CTNNA2: variants seen among roughly 807,000 people sequenced by gnomAD.
The protein encoded by CTNNA2 is catenin alpha 2.
Under a neutral mutation model 101.0 loss-of-function variants are expected in CTNNA2, and 42 were observed. That is an observed-to-expected ratio of 0.42 (90% CI 0.32 to 0.54). CTNNA2 has a LOEUF of 0.54. Ranked by LOEUF, CTNNA2 falls within the 20% of genes least tolerant of loss-of-function variation. The pLI is 0.14. For missense variants in CTNNA2, 871 were observed against 1,223.1 expected (o/e 0.71, Z 4.29); for synonymous variants, 450 against 456.4 (o/e 0.99, Z 0.18).
At position 79,536,574 on chromosome 2, in the gene CTNNA2, A is replaced by AGTGTGTGTGT. The variant is rs61029469; in HGVS notation, c.-6+23386_-6+23395dup. ...ATATACACCTAAATATCTCTAAAGA[A>AGTGTGTGTGT]GTGTGTGTGTGTGTGTGTGTGTGTG... On this transcript the variant is annotated intron_variant, in intron 1 of 18. Transcript: ENST00000402739. Among the ~76,000 whole-genome samples the AGTGTGTGTGT allele has an allele frequency of 2.4e-4, 35 of 146,810 alleles. 1 individual carries two copies. In the East Asian group the frequency reaches 5.3e-3, roughly 22 times the overall value.
intron 9 of CTNNA2, among the ~76,000 whole-genome samples, chr2:80,541,395 C>A: frequency 6.6e-6 from 1 of 152,190 alleles, no homozygotes; most frequent in East Asian, 1.9e-4. Context: ...GGAGGACTAT[C>A]AAGAGGTGCC....
At chr2:79,766,269 T>G (rs1673149567) in intron 3 of CTNNA2, among the ~76,000 whole-genome samples, 1 of 152,170 alleles carries the variant, frequency 6.6e-6, no homozygotes, top group African/African-American at 2.4e-5. Flanking sequence ...TATTTCTCCT[T>G]TGTGCTTGAA....
chr2:79,843,703 G>A (rs1009890864), intron 3 of CTNNA2, among the ~76,000 whole-genome samples: 2 of 152,124 alleles, frequency 1.3e-5, no homozygotes, highest in Admixed American at 6.5e-5. Context: ...GGTGAATAAA[G>A]CCACTTGCTG....
At chr2:80,490,288 C>A (rs544654058) in intron 9 of CTNNA2, among the ~76,000 whole-genome samples, 6 of 97,910 alleles carry the variant, frequency 6.1e-5, no homozygotes, top group South Asian at 4.4e-4. Context: ...CCACCCCCCC[C>A]CCGGTAAAGC....
At chr2:79,659,215 CTTTTT>C (rs5832398) in intron 2 of CTNNA2, among the ~76,000 whole-genome samples, 1 of 135,818 alleles carries the variant, frequency 7.4e-6, no homozygotes, top group Non-Finnish European at 1.6e-5. Flanking sequence ...TCCAGTGCCT[CTTTTT>C]TTTTTTTTTT....
intron 2 of CTNNA2, among the ~76,000 whole-genome samples, chr2:79,297,438 G>C (rs1453591586): frequency 6.6e-6 from 1 of 152,098 alleles, no homozygotes; most frequent in Non-Finnish European, 1.5e-5. Context: ...ACAAATTCTG[G>C]AAAGACCAAT....
At chr2:80,296,051 T>C (rs752122823) in intron 7 of CTNNA2, among the ~76,000 whole-genome samples, 1 of 152,154 alleles carries the variant, frequency 6.6e-6, no homozygotes, top group Non-Finnish European at 1.5e-5. Flanking sequence ...AGCTTATTTT[T>C]TTTTAGTTTT....
At chr2:79,306,110 A>G (rs1014588084) in intron 2 of CTNNA2, among the ~76,000 whole-genome samples, 1 of 151,916 alleles carries the variant, frequency 6.6e-6, no homozygotes. Flanking sequence ...ATAGGACACT[A>G]TGTTAAGTCA....
intron 3 of CTNNA2, among the ~76,000 whole-genome samples, chr2:79,362,164 C>G (rs1288453467): frequency 1.3e-5 from 2 of 152,192 alleles, no homozygotes; most frequent in South Asian, 2.1e-4. Context: ...CAACCAGGAA[C>G]AGCACTGTCT....
chr2:79,264,717 T>A (rs1390229494), intron 2 of CTNNA2, among the ~76,000 whole-genome samples: 1 of 140,478 alleles, frequency 7.1e-6, no homozygotes, highest in Non-Finnish European at 1.5e-5. Flanking sequence ...TCATACTTTT[T>A]ATCTTGCTGC....
At position 79,406,338 on chromosome 2, in the gene CTNNA2, C is replaced by A. The variant is rs577454991; in HGVS notation, c.-135+32325C>A. Among the ~76,000 whole-genome samples, 155 of 152,054 alleles carry A rather than the reference C, an allele frequency of 1.0e-3. 1 individual carries two copies. The highest frequency in any genetic ancestry group is 3.7e-3 in the African/African-American group (155 of 41,498). On this transcript the variant is annotated intron_variant, in intron 4 of 21. Transcript: ENST00000466387. ...TTCAGAAAGGATACATGTAGGAGGACCACAACTCAACATGCAGGGCAACTT... is the reference window on the plus strand; with the variant it reads ...TTCAGAAAGGATACATGTAGGAGGAACACAACTCAACATGCAGGGCAACTT...
At chr2:80,438,362 G>A (rs1465769890) in intron 9 of CTNNA2, among the ~76,000 whole-genome samples, 1 of 151,628 alleles carries the variant, frequency 6.6e-6, no homozygotes, top group African/African-American at 2.4e-5. Context: ...TGAATTCTGG[G>A]AGAACACAAT....
intron 2 of CTNNA2, among the ~76,000 whole-genome samples, chr2:79,663,381 C>G (rs1269603759): frequency 1.3e-5 from 2 of 152,232 alleles, no homozygotes; most frequent in African/African-American, 4.8e-5. Flanking sequence ...AATTAACACT[C>G]CTAACCATGT....
intron 7 of CTNNA2, among the ~76,000 whole-genome samples, chr2:80,069,195 T>G (rs1698172351): frequency 6.6e-6 from 1 of 152,138 alleles, no homozygotes; most frequent in South Asian, 2.1e-4. Flanking sequence ...TTATGTTCTG[T>G]ATGGACCCTC....
chr2:79,762,357 C>G (rs1312693400), intron 3 of CTNNA2, among the ~76,000 whole-genome samples: 1 of 152,042 alleles, frequency 6.6e-6, no homozygotes, highest in Non-Finnish European at 1.5e-5. Context: ...AAGAGAAATC[C>G]CCCTGGAGGA....
chr2:80,109,074 G>A (rs993783880), intron 7 of CTNNA2, among the ~76,000 whole-genome samples: 2 of 152,192 alleles, frequency 1.3e-5, no homozygotes, highest in African/African-American at 4.8e-5. Flanking sequence ...TACTGGTTTT[G>A]ATGATGATAA....
At chr2:79,632,849 T>C (rs753976853) in intron 1 of CTNNA2, among the ~76,000 whole-genome samples, 1 of 152,206 alleles carries the variant, frequency 6.6e-6, no homozygotes, top group Non-Finnish European at 1.5e-5. Context: ...AGGTGGATAA[T>C]AAATATTTCA....
Position 80,140,300 on chromosome 2 carries a change from T to C in CTNNA2, c.1056+230503T>C, listed in dbSNP as rs146813850. On this transcript the variant is annotated intron_variant, in intron 7 of 18. Transcript: ENST00000402739. Reference sequence around the variant, plus strand: ...CCTTCAAAGTCCATTTGGTATACTTTTTATCATTGCTACCACTGGCCACAT... The same window carrying C: ...CCTTCAAAGTCCATTTGGTATACTTCTTATCATTGCTACCACTGGCCACAT... 6.9e-3 allele frequency among the ~76,000 whole-genome samples: 1,047 copies of C among 152,276 alleles called. 5 individuals carry two copies. The highest frequency in any genetic ancestry group is 9.3e-3 in the Non-Finnish European group (634 of 68,010).
chr2:80,512,857 C>A lies in CTNNA2; in HGVS notation c.1291-32125C>A, dbSNP rs145833792. On this transcript the variant is annotated intron_variant, in intron 9 of 18. Transcript: ENST00000402739. ...CAGATATACTGCATATCTATTTATG[C>A]ACTATGGCCTTTTGGAGGGCCGTTG... Among the ~76,000 whole-genome samples, 91 of 152,064 alleles carry A rather than the reference C, an allele frequency of 6.0e-4. 2 individuals carry two copies. The East Asian group carries it at 0.016, about 27-fold the overall frequency.
Sources: gnomAD v4.1 joint callset for allele counts (sites outside exome capture counted in the v4.1 genomes callset) on GRCh38, gnomAD v4.1.1 for gene constraint, MANE v1.5 for transcripts, NCBI Gene and HGNC (gene_info 2026-07-23, HGNC 2026-07-21) for gene names.